PKP4: variants seen among roughly 807,000 people sequenced by gnomAD.
PKP4 encodes plakophilin-4.
Under a neutral mutation model 145.1 loss-of-function variants are expected in PKP4, and 90 were observed. The ratio of observed to expected loss-of-function variants is 0.62; its 90% CI spans 0.52 to 0.74. The LOEUF (loss-of-function observed/expected upper bound fraction) is 0.74, where lower values mean the gene tolerates loss of function less well. PKP4 is among the 30% of genes least tolerant of loss of function. PKP4 has a pLI of 0.00. For missense variants in PKP4, 1,340 were observed against 1,482.7 expected, an observed-to-expected ratio of 0.90 and a Z score of 1.58; for synonymous variants, 563 against 577.2, an observed-to-expected ratio of 0.98 and a Z score of 0.35.
At chr2:158,620,875 T>C in intron 4 of PKP4, 115 bp from the exon 5 acceptor site, 1 of 799,184 alleles carries the variant, frequency 1.3e-6, no homozygotes, top group Non-Finnish European at 2.1e-6. Flanking sequence ...CTGAAAATAA[T>C]AGCCTTGTAT....
intron 4 of PKP4, among the ~76,000 whole-genome samples, chr2:158,607,474 A>G (rs530514475): frequency 1.3e-5 from 2 of 152,250 alleles, no homozygotes; most frequent in East Asian, 3.9e-4. Flanking sequence ...AGCACCCAAG[A>G]GATAATGATA....
intron 1 of PKP4, among the ~76,000 whole-genome samples, chr2:158,512,974 G>A (rs990930587): frequency 5.3e-5 from 8 of 152,212 alleles, no homozygotes; most frequent in Admixed American, 4.6e-4. Context: ...TGCAAGAAGA[G>A]TTCATCTCAG....
At chr2:158,656,398 A>C (rs1320958234) in intron 11 of PKP4, among the ~76,000 whole-genome samples, 3 of 152,166 alleles carry the variant, frequency 2.0e-5, no homozygotes, top group African/African-American at 7.2e-5. Flanking sequence ...CCCCAAGATA[A>C]TTATATAAGC....
rs144945880 is a variant in PKP4 at position 158,500,195 on chromosome 2, T to A, written c.-5-32985T>A. On this transcript the variant is annotated intron_variant, in intron 1 of 21. Coordinates refer to ENST00000389759, the MANE Select transcript of PKP4 (RefSeq NM_003628.6). ...TCATTTCTCTTTCTCCTGCAAGAAGTTGGAATGTCCTAACCACAGTGCATC... is the reference window on the plus strand; with the variant it reads ...TCATTTCTCTTTCTCCTGCAAGAAGATGGAATGTCCTAACCACAGTGCATC... Among the ~76,000 whole-genome samples the A allele has an allele frequency of 2.9e-3, 439 of 152,330 alleles. 3 individuals are homozygous for A. The highest frequency in any genetic ancestry group is 0.017 in the Middle Eastern group (5 of 294).
At chr2:158,625,496 A>G in intron 7 of PKP4, 69 bp downstream of exon 7, 2 of 1,275,224 alleles carry the variant, frequency 1.6e-6, no homozygotes, top group Non-Finnish European at 2.2e-6. Flanking sequence ...AAGTTGAAAC[A>G]AAGAATGAAA....
At position 158,468,609 on chromosome 2, in the gene PKP4, C is replaced by T. The variant is rs112659903; in HGVS notation, c.-6+11391C>T. On this transcript the variant is annotated intron_variant, in intron 1 of 21. Coordinates refer to ENST00000389759, the MANE Select transcript of PKP4 (RefSeq NM_003628.6). The stretch of plus-strand genomic sequence containing the variant: ...AAATGTTGATAGTGCACCATGTTAA[C>T]AGGCAAGGTGAGGATGTAAGATGAA... Among the ~76,000 whole-genome samples the T allele has an allele frequency of 1.4e-3, 209 of 152,112 alleles. 1 individual carries two copies. Among genetic ancestry groups the T allele is most frequent in the African/African-American group, 4.8e-3 (199 of 41,504 alleles).
chr2:158,642,413 A>G (rs2054374997), intron 10 of PKP4, 73 bp from the exon 11 acceptor site: 1 of 1,114,408 alleles, frequency 9.0e-7, no homozygotes, highest in Non-Finnish European at 1.3e-6. Flanking sequence ...TGATCTCTCC[A>G]TAACGGACTT....
At chr2:158,628,279 C>G (rs1236086209) in intron 7 of PKP4, among the ~76,000 whole-genome samples, 1 of 151,972 alleles carries the variant, frequency 6.6e-6, no homozygotes, top group Non-Finnish European at 1.5e-5. Context: ...ACACCCAGCC[C>G]TGAAAAAATT....
At chr2:158,485,884 A>G (rs1253868656) in intron 1 of PKP4, among the ~76,000 whole-genome samples, 3 of 152,246 alleles carry the variant, frequency 2.0e-5, no homozygotes, top group East Asian at 1.9e-4. Flanking sequence ...ATACATTGGC[A>G]TATGTAATCT....
At chr2:158,507,633 T>G (rs781153601) in intron 1 of PKP4, among the ~76,000 whole-genome samples, 18 of 152,168 alleles carry the variant, frequency 1.2e-4, no homozygotes, top group Non-Finnish European at 2.2e-4. Context: ...TTTTTTAAAT[T>G]TAAAAAAGAA....
chr2:158,517,129 C>T (rs1574229002), intron 1 of PKP4, among the ~76,000 whole-genome samples: 1 of 152,230 alleles, frequency 6.6e-6, no homozygotes, highest in African/African-American at 2.4e-5. Flanking sequence ...TCTTTGTTAA[C>T]ACTAGCATTT....
chr2:158,528,637 A>T (rs2043196694), intron 1 of PKP4, among the ~76,000 whole-genome samples: 1 of 12,306 alleles, frequency 8.1e-5, no homozygotes, highest in African/African-American at 6.2e-4. Context: ...AAAGTATAAT[A>T]AAAAAAAAAA....
intron 7 of PKP4, among the ~76,000 whole-genome samples, chr2:158,626,093 T>C (rs2052760191): frequency 6.6e-6 from 1 of 152,266 alleles, no homozygotes; most frequent in African/African-American, 2.4e-5. Context: ...TTTAGTGTTT[T>C]AAATTATATT....
chr2:158,590,105 T>G (rs1192795236), intron 3 of PKP4, among the ~76,000 whole-genome samples: 1 of 152,108 alleles, frequency 6.6e-6, no homozygotes, highest in Non-Finnish European at 1.5e-5. Flanking sequence ...ATATAATCTG[T>G]TTTTGCATAG....
chr2:158,507,317 C>T (rs1253229099), intron 1 of PKP4, among the ~76,000 whole-genome samples: 3 of 152,042 alleles, frequency 2.0e-5, no homozygotes, highest in South Asian at 4.2e-4. Flanking sequence ...GAGTTTATGC[C>T]GCTAATGGGG....
chr2:158,654,199 G>A (rs2055678557), intron 11 of PKP4, among the ~76,000 whole-genome samples: 1 of 152,208 alleles, frequency 6.6e-6, no homozygotes, highest in East Asian at 1.9e-4. Context: ...GCAACTCTTT[G>A]TGTTACATGG....
intron 2 of PKP4, among the ~76,000 whole-genome samples, chr2:158,568,977 A>G (rs2047213856): frequency 6.6e-6 from 1 of 152,174 alleles, no homozygotes; most frequent in South Asian, 2.1e-4. Context: ...TTTCTCCAAA[A>G]AAAAGCCATC....
intron 2 of PKP4, among the ~76,000 whole-genome samples, chr2:158,546,951 A>G (rs1301910873): frequency 6.6e-6 from 1 of 152,130 alleles, no homozygotes; most frequent in Non-Finnish European, 1.5e-5. Context: ...ATATTATTGT[A>G]TATATAGAAA....
chr2:158,619,452 T>C (rs1389715636), intron 4 of PKP4, among the ~76,000 whole-genome samples: 1 of 152,212 alleles, frequency 6.6e-6, no homozygotes, highest in Non-Finnish European at 1.5e-5. Context: ...AGCTAATCTT[T>C]CCAGAGGCTA....
Sources: allele counts gnomAD v4.1 joint callset (sites outside exome capture counted in the v4.1 genomes callset), GRCh38; gene constraint gnomAD v4.1.1; transcripts MANE v1.5; gene names NCBI Gene and HGNC (gene_info 2026-07-23, HGNC 2026-07-21).